Variants in KCNIP4 observed in about 807,000 individuals in gnomAD.
The protein encoded by KCNIP4 is potassium voltage-gated channel interacting protein 4.
In KCNIP4, 12 loss-of-function variants were observed where a neutral mutation model predicts 34.0. The ratio of observed to expected loss-of-function variants is 0.35; its 90% CI spans 0.23 to 0.57. The LOEUF is 0.57. Among genes scored for constraint, KCNIP4 ranks in the 20% least tolerant of loss-of-function variants. The pLI, the probability that KCNIP4 is intolerant of heterozygous loss-of-function variation, is 0.83. For missense variants in KCNIP4, 238 were observed against 311.7 expected (o/e 0.76, Z 1.78); for synonymous variants, 124 against 102.2 (o/e 1.21, Z -1.29).
chr4:21,152,655 A>G (rs1275855804), intron 1 of KCNIP4, among the ~76,000 whole-genome samples: 2 of 152,002 alleles, frequency 1.3e-5, no homozygotes, highest in Admixed American at 6.6e-5. Flanking sequence ...TGAGTCCCCA[A>G]TCCCCAGGCC....
Position 20,916,985 on chromosome 4 carries a change from TTATATATA to T in KCNIP4, c.62-34284_62-34277del, listed in dbSNP as rs1157104290. ...TCTTCCACCATTGACCATCTTATGT[TTATATATA>T]TATATATATATATATATATATATAT... is the stretch of plus-strand genomic sequence containing the variant. On this transcript the variant is annotated intron_variant, in intron 1 of 8. Coordinates refer to ENST00000382152, the MANE Select transcript of KCNIP4 (RefSeq NM_025221.6). Among the ~76,000 whole-genome samples, 13 of 41,358 alleles carry T rather than the reference TTATATATA, an allele frequency of 3.1e-4. No individual in the cohort carries two copies. In the South Asian group the frequency reaches 4.3e-3, roughly 14 times the overall value. 27.1% of individuals were successfully genotyped at this position (41,358 alleles called of 152,430 possible).
intron 1 of KCNIP4, among the ~76,000 whole-genome samples, chr4:21,110,720 T>C (rs757506871): frequency 7.9e-5 from 12 of 152,300 alleles, no homozygotes; most frequent in Non-Finnish European, 1.8e-4. Flanking sequence ...ATAAGTACCC[T>C]TATACAGGAA....
chr4:21,546,024 G>T (rs1738123488), intron 1 of KCNIP4, among the ~76,000 whole-genome samples: 1 of 151,934 alleles, frequency 6.6e-6, no homozygotes, highest in South Asian at 2.1e-4. Flanking sequence ...TTTACTCTAT[G>T]GACTTGCCTT....
intron 1 of KCNIP4, chr4:20,984,027 G>A: frequency 6.7e-7 from 1 of 1,488,192 alleles, no homozygotes; most frequent in Admixed American, 2.3e-5. Flanking sequence ...AGACTTGCAA[G>A]GGGAAAAAGT....
intron 1 of KCNIP4, among the ~76,000 whole-genome samples, chr4:21,897,423 T>C (rs1301668381): frequency 6.6e-6 from 1 of 152,176 alleles, no homozygotes; most frequent in Non-Finnish European, 1.5e-5. Flanking sequence ...TTCTTGCCCT[T>C]GCTGTAAAAA....
intron 1 of KCNIP4, among the ~76,000 whole-genome samples, chr4:21,281,322 A>G (rs111589493): frequency 1.3e-5 from 2 of 152,050 alleles, no homozygotes; most frequent in African/African-American, 4.8e-5. Flanking sequence ...TCCTGACCTC[A>G]GGTGATCCAC....
rs1407516455 is a variant in KCNIP4 at position 21,249,234 on chromosome 4, A to T, written c.62-366525T>A. On this transcript the variant is annotated intron_variant, in intron 1 of 8. Coordinates refer to ENST00000382152, the MANE Select transcript of KCNIP4 (RefSeq NM_025221.6). ...TAGATATACAAACATGCATGCATAC[A>T]TACATACATATAACCATATCAAAAA... Among the ~76,000 whole-genome samples, 6 of 152,136 alleles carry T rather than the reference A, an allele frequency of 3.9e-5. No individual in the cohort carries two copies. In the South Asian group the frequency reaches 8.3e-4, roughly 21 times the overall value.
At chr4:21,754,775 C>T (rs972648880) in intron 1 of KCNIP4, among the ~76,000 whole-genome samples, 3 of 152,142 alleles carry the variant, frequency 2.0e-5, no homozygotes, top group Admixed American at 6.5e-5. Context: ...GATAAAAATA[C>T]AAAACTACAA....
chr4:21,542,253 A>G (rs1737770659), intron 1 of KCNIP4, among the ~76,000 whole-genome samples: 1 of 152,228 alleles, frequency 6.6e-6, no homozygotes, highest in African/African-American at 2.4e-5. Context: ...TGAAATGAGC[A>G]TCACTGGAAG....
chr4:20,833,582 ATAACT>A (rs1718684653), intron 3 of KCNIP4, among the ~76,000 whole-genome samples: 1 of 152,166 alleles, frequency 6.6e-6, no homozygotes, highest in East Asian at 1.9e-4. Flanking sequence ...GATGGTTCTC[ATAACT>A]TAACTCTATT....
chr4:21,145,149 C>T (rs1560761864), intron 1 of KCNIP4, among the ~76,000 whole-genome samples: 1 of 152,158 alleles, frequency 6.6e-6, no homozygotes, highest in Non-Finnish European at 1.5e-5. Flanking sequence ...TAACTCAAAA[C>T]CCTTCCCCGC....
At chr4:21,646,360 T>G (rs1328759923) in intron 1 of KCNIP4, among the ~76,000 whole-genome samples, 1 of 152,194 alleles carries the variant, frequency 6.6e-6, no homozygotes, top group East Asian at 1.9e-4. Flanking sequence ...AGAAGTTAAG[T>G]CTACCTCCTC....
chr4:21,295,432 C>T (rs1459404839), intron 1 of KCNIP4, among the ~76,000 whole-genome samples: 1 of 152,090 alleles, frequency 6.6e-6, no homozygotes, highest in Non-Finnish European at 1.5e-5. Flanking sequence ...TTTCCAGTAA[C>T]AAACAGTAAG....
chr4:21,401,108 C>T (rs1723522720), intron 1 of KCNIP4, among the ~76,000 whole-genome samples: 1 of 152,114 alleles, frequency 6.6e-6, no homozygotes, highest in South Asian at 2.1e-4. Flanking sequence ...TTACAGTGAG[C>T]TGACATGGTG....
chr4:21,035,839 T>G (rs1219317863), intron 1 of KCNIP4, among the ~76,000 whole-genome samples: 1 of 152,156 alleles, frequency 6.6e-6, no homozygotes, highest in Admixed American at 6.5e-5. Context: ...GGATGGCCCT[T>G]GCATTGATGG....
intron 1 of KCNIP4, among the ~76,000 whole-genome samples, chr4:21,899,832 A>T (rs1727609767): frequency 6.6e-6 from 1 of 152,172 alleles, no homozygotes; most frequent in Admixed American, 6.5e-5. Context: ...CATGGATTGG[A>T]AGAATCACTA....
At chr4:21,138,440 A>G (rs568872149) in intron 1 of KCNIP4, among the ~76,000 whole-genome samples, 2 of 152,236 alleles carry the variant, frequency 1.3e-5, no homozygotes, top group East Asian at 3.9e-4. Flanking sequence ...TGTTCCTTCT[A>G]CAAATCACTT....
intron 3 of KCNIP4, among the ~76,000 whole-genome samples, chr4:20,805,923 A>G (rs1326363180): frequency 6.6e-6 from 1 of 152,126 alleles, no homozygotes; most frequent in African/African-American, 2.4e-5. Context: ...GGTATGTTTA[A>G]TGTTGACCAT....
chr4:21,652,359 A>C (rs1374450907), intron 1 of KCNIP4, among the ~76,000 whole-genome samples: 2 of 152,160 alleles, frequency 1.3e-5, no homozygotes, highest in Non-Finnish European at 2.9e-5. Flanking sequence ...TTTTGGTACC[A>C]TTTTGATGAA....
Sources: gnomAD v4.1 joint callset for allele counts (sites outside exome capture counted in the v4.1 genomes callset) on GRCh38, gnomAD v4.1.1 for gene constraint, MANE v1.5 for transcripts, NCBI Gene and HGNC (gene_info 2026-07-23, HGNC 2026-07-21) for gene names.